The following ZNF678 variants were observed in gnomAD, a reference collection of about 807,000 sequenced individuals.
ZNF678 encodes zinc finger protein 678, also known as hypothetical protein MGC42493.
Under a neutral mutation model 3.0 loss-of-function variants are expected in ZNF678, and 5 were observed. That is an observed-to-expected ratio of 1.69 (90% confidence interval 0.88 to 3.56). The LOEUF (loss-of-function observed/expected upper bound fraction) is 3.56. Among genes scored for constraint, ZNF678 ranks in the 30% most tolerant of loss-of-function variants. The probability of loss-of-function intolerance (pLI) is 0.00; values close to 1 mark genes in which losing one functional copy is unlikely to be tolerated. For missense variants in ZNF678, 593 were observed against 605.0 expected (o/e 0.98, Z 0.21); for synonymous variants, 218 against 199.6 (o/e 1.09, Z -0.78).
Position 227,669,478 on chromosome 1 carries a change from T to A in ZNF678, c.227-7701T>A, listed in dbSNP as rs180902665. Among the ~76,000 whole-genome samples, 698 of 151,502 alleles carry A rather than the reference T, an allele frequency of 4.6e-3. 17 individuals carry two copies. The South Asian group carries it at 0.057, about 12-fold the overall frequency. On this transcript the variant is annotated intron_variant, in intron 5 of 5. Transcript: ENST00000608949. ...GGTGAAACCCCGTCTCTACTAAAAA[T>A]ATATATATATCTAAAAAAAAATTAG...
intron 1 of ZNF678, among the ~76,000 whole-genome samples, chr1:227,575,394 G>A (rs6426467): frequency 0.98 from 149,560 of 152,300 alleles, 73,494 homozygotes; most frequent in Middle Eastern, 1. Context: ...ATGTTTTTCC[G>A]TTTGTTTGTG....
chr1:227,616,065 A>G (rs1043105075), intron 1 of ZNF678, among the ~76,000 whole-genome samples: 5 of 152,174 alleles, frequency 3.3e-5, no homozygotes, highest in Admixed American at 6.5e-5. Context: ...GGATACTCTC[A>G]TACTTATCAG....
intron 1 of ZNF678, among the ~76,000 whole-genome samples, chr1:227,566,939 T>C (rs983510526): frequency 2.0e-5 from 3 of 152,210 alleles, no homozygotes; most frequent in African/African-American, 7.2e-5. Context: ...GAAACGTCTC[T>C]TTTTCATTAT....
At chr1:227,677,452 C>T (rs1308415209), downstream of ZNF678, 1 of 152,244 alleles carries the variant, frequency 6.6e-6, no homozygotes, top group Admixed American at 6.5e-5. Context: ...CCTGAGGAAC[C>T]CTTAAAGTTA....
chr1:227,651,882 A>G (rs1345168872), intron 3 of ZNF678, among the ~76,000 whole-genome samples: 1 of 152,158 alleles, frequency 6.6e-6, no homozygotes, highest in Non-Finnish European at 1.5e-5. Context: ...CTCTGTCACA[A>G]AGGCACTTAT....
chr1:227,581,670 A>C (rs1450472473), intron 1 of ZNF678, among the ~76,000 whole-genome samples: 1 of 152,196 alleles, frequency 6.6e-6, no homozygotes, highest in African/African-American at 2.4e-5. Context: ...TTGTTGATAA[A>C]ATTTCGATTG....
intron 1 of ZNF678, among the ~76,000 whole-genome samples, chr1:227,607,627 A>G (rs1657906713): frequency 6.6e-6 from 1 of 151,040 alleles, no homozygotes; most frequent in Non-Finnish European, 1.5e-5. Flanking sequence ...GTATATTTCC[A>G]AGCCACTTAC....
intron 5 of ZNF678, among the ~76,000 whole-genome samples, chr1:227,675,960 C>T (rs1173760274): frequency 6.6e-6 from 1 of 152,148 alleles, no homozygotes; most frequent in Non-Finnish European, 1.5e-5. Flanking sequence ...GCTGTGCATT[C>T]AGGTTTTAGG....
intron 1 of ZNF678, among the ~76,000 whole-genome samples, chr1:227,581,217 T>C (rs1657121247): frequency 6.6e-6 from 1 of 151,838 alleles, no homozygotes; most frequent in African/African-American, 2.4e-5. Flanking sequence ...AAAATTATAT[T>C]GAAGTATATT....
intron 1 of ZNF678, among the ~76,000 whole-genome samples, chr1:227,571,165 T>G (rs1286010615): frequency 6.6e-6 from 1 of 152,090 alleles, no homozygotes; most frequent in Non-Finnish European, 1.5e-5. Context: ...AAATACTTAT[T>G]CATTAAAATT....
chr1:227,605,390 G>T (rs1435250820), intron 1 of ZNF678, among the ~76,000 whole-genome samples: 1 of 152,106 alleles, frequency 6.6e-6, no homozygotes, highest in Non-Finnish European at 1.5e-5. Context: ...GAAATTAAAA[G>T]AATTTTACTC....
At chr1:227,593,863 C>G (rs371597312) in intron 1 of ZNF678, among the ~76,000 whole-genome samples, 4,352 of 76,810 alleles carry the variant, frequency 0.057, 215 homozygotes, top group African/African-American at 0.22. Context: ...CATCCCCCCC[C>G]CCCCTTTTTT....
At chr1:227,592,644 T>G (rs1406807506) in intron 1 of ZNF678, among the ~76,000 whole-genome samples, 4 of 152,234 alleles carry the variant, frequency 2.6e-5, no homozygotes, top group Non-Finnish European at 5.9e-5. Flanking sequence ...ACTAAAATAT[T>G]GACTTAAATC....
intron 1 of ZNF678, 41 bp downstream of exon 1, chr1:227,563,765 C>T: frequency 7.7e-7 from 1 of 1,305,838 alleles, no homozygotes; most frequent in Non-Finnish European, 1.0e-6. Flanking sequence ...GGCGGTCCGG[C>T]CTCCCGGCGT....
At chr1:227,607,775 G>C (rs1402791688) in intron 1 of ZNF678, among the ~76,000 whole-genome samples, 1 of 145,032 alleles carries the variant, frequency 6.9e-6, no homozygotes, top group Non-Finnish European at 1.5e-5. Context: ...TATTGTATAT[G>C]TATTAATTTA....
intron 1 of ZNF678, among the ~76,000 whole-genome samples, chr1:227,609,869 G>A (rs1657971126): frequency 6.6e-6 from 1 of 151,998 alleles, no homozygotes; most frequent in African/African-American, 2.4e-5. Context: ...GAGTAGCTGG[G>A]ACTACAGGCG....
chr1:227,592,341 G>A (rs1328652208), intron 1 of ZNF678, among the ~76,000 whole-genome samples: 1 of 152,214 alleles, frequency 6.6e-6, no homozygotes, highest in Non-Finnish European at 1.5e-5. Flanking sequence ...TGCTTCTTGT[G>A]CTAACAGGGC....
chr1:227,617,037 C>T (rs1658159964), intron 1 of ZNF678, among the ~76,000 whole-genome samples: 1 of 152,152 alleles, frequency 6.6e-6, no homozygotes, highest in Admixed American at 6.5e-5. Context: ...CCTTTTGGAT[C>T]CTTTGCAAGG....
At chr1:227,642,087 G>C (rs1658835825) in intron 1 of ZNF678, among the ~76,000 whole-genome samples, 1 of 152,184 alleles carries the variant, frequency 6.6e-6, no homozygotes, top group South Asian at 2.1e-4. Flanking sequence ...CCATTCTGTA[G>C]CTCCACGAAA....
Sources: gnomAD v4.1 joint callset for allele counts (sites outside exome capture counted in the v4.1 genomes callset) on GRCh38, gnomAD v4.1.1 for gene constraint, MANE v1.5 for transcripts, NCBI Gene and HGNC (gene_info 2026-07-23, HGNC 2026-07-21) for gene names.